Variants in USP22 observed in about 807,000 individuals in gnomAD.
USP22 encodes the protein ubiquitin carboxyl-terminal hydrolase 22.
Under a neutral mutation model 68.1 loss-of-function variants are expected in USP22, and 22 were observed. That is an observed-to-expected ratio of 0.32 (90% CI 0.23 to 0.46). USP22 has a LOEUF of 0.46. Among genes scored for constraint, USP22 ranks in the 20% least tolerant of loss-of-function variants. The pLI is 1.00. For missense variants in USP22, 433 were observed against 695.8 expected, an observed-to-expected ratio of 0.62 and a Z score of 4.25; for synonymous variants, 279 against 274.2, an observed-to-expected ratio of 1.02 and a Z score of -0.17.
intron 1 of USP22, among the ~76,000 whole-genome samples, chr17:21,032,393 T>G (rs561748352): frequency 6.6e-6 from 1 of 152,304 alleles, no homozygotes; most frequent in East Asian, 1.9e-4. Context: ...TAATACTGTA[T>G]CAGATTTAAA....
rs377401072 is a variant in USP22 at position 21,004,972 on chromosome 17, A to G, written c.1341T>C (p.Asn447=). 3 of 1,614,090 alleles carry G rather than the reference A, an allele frequency of 1.9e-6. No individual in the cohort carries two copies. The highest frequency in any genetic ancestry group is 1.7e-6 in the Non-Finnish European group (2 of 1,180,040). Residue 447 remains asparagine (N), a synonymous_variant, in exon 11 of 13, where the codon AAT becomes AAC. Transcript: ENST00000261497. ...TGTCCGTGGGCTGCTGGTACTGTCC[A>G]TTCATCCTGCTCTCTTTGCTGTAAC... ...FMASSKESRM[N]GQYQQPTDSL...
chr17:21,013,284 C>T (rs1914024604), intron 6 of USP22, among the ~76,000 whole-genome samples: 1 of 152,146 alleles, frequency 6.6e-6, no homozygotes, highest in South Asian at 2.1e-4. Flanking sequence ...GACAGCTGAA[C>T]ATATGGTGGG....
At chr17:21,013,019 C>T in intron 6 of USP22, 84 bp from the exon 7 acceptor site, 1 of 1,332,680 alleles carries the variant, frequency 7.5e-7, no homozygotes, top group Non-Finnish European at 1.1e-6. Flanking sequence ...CCTGCAGAAG[C>T]CTGGGGGAGC....
At chr17:21,016,855 T>A (rs1199853166) in intron 5 of USP22, among the ~76,000 whole-genome samples, 1 of 152,194 alleles carries the variant, frequency 6.6e-6, no homozygotes, top group Admixed American at 6.5e-5. Context: ...TACACAACTA[T>A]GCATTCGTCG....
rs576032107 is a variant in USP22 at position 21,022,970 on chromosome 17, T to C, written c.305-1744A>G. On this transcript the variant is annotated intron_variant, in intron 2 of 12. Transcript: ENST00000261497. ...GTGGACTGGATAAAGAAAATGTACA[T>C]ATATACCATGGGATACCATGTATAC... is the stretch of plus-strand genomic sequence containing the variant. 1.1e-4 allele frequency among the ~76,000 whole-genome samples: 16 copies of C among 152,270 alleles called. No individual in the cohort carries two copies. In the South Asian group the frequency reaches 2.3e-3, roughly 22 times the overall value.
In USP22 at chr17:21,015,868, G is replaced by A. The variant is rs764139084; in HGVS notation, c.722C>T (p.Pro241Leu). Residue 241 changes from proline (P) to leucine (L), a missense_variant, in exon 6 of 13, where the codon CCG becomes CTG. Transcript: ENST00000261497. The stretch of plus-strand genomic sequence containing the variant: ...CCACACCAGGTGCAGCAACTTATAC[G>A]GGATGTGAGGGGACCGGTGTCCAGA... ...FYSGHRSPHI[P>L]YKLLHLVWTH... 2.5e-6 allele frequency: 4 copies of A among 1,613,984 alleles called. No individual in the cohort carries two copies. The highest frequency in any genetic ancestry group is 1.7e-5 in the Admixed American group (1 of 59,986).
At chr17:21,043,397 T>G (rs1254509425), upstream of USP22, 4 of 309,628 alleles carry the variant, frequency 1.3e-5, no homozygotes, top group Non-Finnish European at 2.4e-5. Context: ...CGGCTAGACG[T>G]TCCCTGTCTC....
Position 21,007,905 on chromosome 17 carries a change from T to C in USP22, c.1195A>G (p.Lys399Glu). ...AAACAGGCTACGATGGGCAGTTTCT[T>C]CATAGTGAGCTGCTTTGTGGACTCC... ...YQESTKQLTM[K>E]KLPIVACFHL... The change falls in exon 9 of 13, where the codon AAG becomes GAG. Residue 399 changes from lysine to glutamate, a missense_variant. Physicochemically the swap from Lys to Glu is moderately conservative, Grantham distance 56. Around this residue, in one of 4 missense-constraint regions of USP22, gnomAD observed 178 missense variants for 351.5 expected, o/e 0.51. Transcript: ENST00000261497. 1 of 1,614,186 alleles carries C rather than the reference T, an allele frequency of 6.2e-7. No homozygotes were observed. The highest frequency in any genetic ancestry group is 8.5e-7 in the Non-Finnish European group (1 of 1,180,028).
chr17:21,042,320 G>A (rs989176281), intron 1 of USP22: 2 of 167,490 alleles, frequency 1.2e-5, no homozygotes, highest in African/African-American at 4.8e-5. Context: ...CGCCCCTCCC[G>A]GGCCAAGAAG....
At chr17:21,028,794 T>C in intron 1 of USP22, 120 bp from the exon 2 acceptor site, 7 of 1,260,724 alleles carry the variant, frequency 5.6e-6, no homozygotes, top group Non-Finnish European at 7.5e-6. Flanking sequence ...GGGAATTCCA[T>C]CTTCAAGGCT....
At position 21,019,327 on chromosome 17, in the gene USP22, C is replaced by G. The variant is rs1972125581; in HGVS notation, c.419-142G>C. ...TCCACAGCACCAGGGCTTTCTCAAA[C>G]TCTACTGTGCTGAGAGGGGCTACAC... On this transcript the variant is annotated intron_variant, in intron 3 of 12. Transcript: ENST00000261497. The G allele has an allele frequency of 6.6e-6, 5 of 759,078 alleles. No individual in the cohort carries two copies. In the South Asian group the frequency reaches 7.9e-5, roughly 12 times the overall value. The allele number at this position is 759,078 out of a possible 1,614,324, so 47.0% of individuals were successfully genotyped here. A position where few individuals can be genotyped will look rare whatever the true frequency, so the allele number is the denominator to read the frequency against.
chr17:21,026,810 T>C (rs2143607387), intron 2 of USP22, among the ~76,000 whole-genome samples: 1 of 151,406 alleles, frequency 6.6e-6, no homozygotes, highest in Admixed American at 6.6e-5. Context: ...ACAATTTTTT[T>C]TTTTTTTTTG....
intron 3 of USP22, 81 bp downstream of exon 3, chr17:21,021,032 T>A (rs1487107221): frequency 8.5e-7 from 1 of 1,178,032 alleles, no homozygotes; most frequent in African/African-American, 1.5e-5. Context: ...CCTAGGTACT[T>A]CTCTTTCTCC....
chr17:21,002,665 TA>T lies in USP22; in HGVS notation c.*365del, dbSNP rs1348990192. On this transcript the variant is annotated 3_prime_UTR_variant, in exon 13 of 13. Transcript: ENST00000261497. ...CATGGACCCATAATCTTACAGCAGGTAGGGGCCTTTCCACACCGAGTGCTGG... is the reference window on the plus strand; with the variant it reads ...CATGGACCCATAATCTTACAGCAGGTGGGGCCTTTCCACACCGAGTGCTGG... The T allele has an allele frequency of 6.6e-6, 2 of 303,754 alleles. No homozygotes were observed. Among genetic ancestry groups the T allele is most frequent in the African/African-American group, 4.3e-5 (2 of 46,038 alleles). The allele number at this position is 303,754 out of a possible 1,614,324, so 18.8% of individuals were successfully genotyped here.
At chr17:21,029,760 A>C (rs1972265665) in intron 1 of USP22, among the ~76,000 whole-genome samples, 1 of 152,240 alleles carries the variant, frequency 6.6e-6, no homozygotes, top group Non-Finnish European at 1.5e-5. Context: ...CCTTGAAAAT[A>C]TCATGCTAAG....
rs116171296 is a variant in USP22, at chr17:21,038,248, A to C, written c.171+4417T>G. Among the ~76,000 whole-genome samples, 1,111 of 151,428 alleles carry C rather than the reference A, an allele frequency of 7.3e-3. 13 individuals carry two copies. Among genetic ancestry groups the C allele is most frequent in the African/African-American group, 0.025 (1,043 of 41,220 alleles). ...AGTCTTTTATTTTTTTTTAATAAAT[A>C]AATAAATACAATAGCACGTATCAGG... On this transcript the variant is annotated intron_variant, in intron 1 of 12. Transcript: ENST00000261497.
chr17:21,042,590 A>T (rs1447084163), intron 1 of USP22, 75 bp downstream of exon 1: 4 of 1,244,100 alleles, frequency 3.2e-6, no homozygotes, highest in Non-Finnish European at 4.1e-6. Context: ...GGGCAGGAAA[A>T]GGGCCCCTCC....
At chr17:21,038,197 C>G (rs1374838083) in intron 1 of USP22, among the ~76,000 whole-genome samples, 1 of 152,000 alleles carries the variant, frequency 6.6e-6, no homozygotes, top group Non-Finnish European at 1.5e-5. Flanking sequence ...GAGTTCAAGA[C>G]CAGCCTGGGC....
intron 1 of USP22, among the ~76,000 whole-genome samples, chr17:21,036,089 T>C (rs986022005): frequency 1.5e-5 from 2 of 135,922 alleles, no homozygotes; most frequent in Admixed American, 1.5e-4. Flanking sequence ...ATGGATACAA[T>C]GGATATTGCT....
Sources: allele counts gnomAD v4.1 joint callset (sites outside exome capture counted in the v4.1 genomes callset), GRCh38; gene constraint gnomAD v4.1.1; regional missense constraint gnomAD v4.1.1; transcripts MANE v1.5; gene names NCBI Gene and HGNC (gene_info 2026-07-23, HGNC 2026-07-21).